Variants in WWOX observed in about 807,000 individuals in gnomAD.
WWOX encodes WW domain-containing oxidoreductase.
In WWOX, 69 loss-of-function variants were observed where a neutral mutation model predicts 46.2. The ratio of observed to expected loss-of-function variants is 1.49; its 90% CI spans 1.23 to 1.82. The LOEUF is 1.82. Among genes scored for constraint, WWOX ranks in the 40% most tolerant of loss-of-function variants. The pLI, the probability that WWOX is intolerant of heterozygous loss-of-function variation, is 0.00. For missense variants in WWOX, 919 were observed against 542.6 expected (o/e 1.69, Z -6.89); for synonymous variants, 359 against 202.6 (o/e 1.77, Z -6.56).
rs1253855660 is a variant in WWOX at position 78,999,615 on chromosome 16, TTTAA to T, written c.1057-211989_1057-211986del. On this transcript the variant is annotated intron_variant, in intron 8 of 8. Transcript: ENST00000566780. ...TCATGTGAAGAAATTTTAGGAATACTTTAATTATTTTTTCACTTACATTTTATAG... is the reference window on the plus strand; with the variant it reads ...TCATGTGAAGAAATTTTAGGAATACTTTATTTTTTCACTTACATTTTATAG... Among the ~76,000 whole-genome samples, 6 of 152,312 alleles carry T rather than the reference TTTAA, an allele frequency of 3.9e-5. No homozygotes were observed. In the Middle Eastern group the frequency reaches 0.017, roughly 432 times the overall value.
chr16:78,875,609 A>G (rs1311779429), intron 8 of WWOX, among the ~76,000 whole-genome samples: 1 of 152,166 alleles, frequency 6.6e-6, no homozygotes, highest in Non-Finnish European at 1.5e-5. Context: ...CAAGGTGAGT[A>G]TCGTCAGAAT....
intron 7 of WWOX, among the ~76,000 whole-genome samples, chr16:78,426,099 T>C (rs2083071173): frequency 6.6e-6 from 1 of 152,254 alleles, no homozygotes; most frequent in African/African-American, 2.4e-5. Flanking sequence ...ATGGCTGAAA[T>C]GAAAGGTAAA....
intron 7 of WWOX, among the ~76,000 whole-genome samples, chr16:78,431,340 C>G (rs1376283887): frequency 3.9e-5 from 6 of 152,108 alleles, no homozygotes; most frequent in African/African-American, 1.2e-4. Flanking sequence ...GGTACCTCAC[C>G]AAGGTTATAA....
chr16:78,731,605 A>G (rs1381959481), intron 8 of WWOX, among the ~76,000 whole-genome samples: 24 of 151,970 alleles, frequency 1.6e-4, no homozygotes, highest in African/African-American at 2.4e-5. Context: ...GAAGATCAGT[A>G]CCTTGAAATT....
intron 8 of WWOX, among the ~76,000 whole-genome samples, chr16:78,686,652 C>A (rs530582260): frequency 6.6e-6 from 1 of 152,208 alleles, no homozygotes; most frequent in East Asian, 1.9e-4. Context: ...TTTCGGAAGT[C>A]CTCCAGTTTG....
At chr16:78,740,059 C>A (rs575919211) in intron 8 of WWOX, among the ~76,000 whole-genome samples, 4 of 152,286 alleles carry the variant, frequency 2.6e-5, no homozygotes, top group African/African-American at 7.2e-5. Context: ...ACTGACCCCA[C>A]TGTGGTCACC....
chr16:79,025,555 C>T (rs989270492), intron 8 of WWOX, among the ~76,000 whole-genome samples: 3 of 152,092 alleles, frequency 2.0e-5, no homozygotes, highest in African/African-American at 7.2e-5. Context: ...CTGGCACCCC[C>T]AGATACCAGG....
At chr16:78,133,996 T>C (rs1017678191) in intron 4 of WWOX, among the ~76,000 whole-genome samples, 1 of 152,214 alleles carries the variant, frequency 6.6e-6, no homozygotes, top group Non-Finnish European at 1.5e-5. Context: ...ATCCCTAAGA[T>C]GTGTTTTCTT....
chr16:78,550,941 A>G (rs894734679), intron 8 of WWOX: 2 of 152,284 alleles, frequency 1.3e-5, no homozygotes, highest in Non-Finnish European at 2.9e-5. Flanking sequence ...ATCCACTGTA[A>G]GGAATGCATG....
intron 8 of WWOX, among the ~76,000 whole-genome samples, chr16:79,036,946 T>C (rs991261081): frequency 6.6e-6 from 1 of 152,226 alleles, no homozygotes; most frequent in Non-Finnish European, 1.5e-5. Context: ...CAGTGTGTTA[T>C]CTTGGCTCCA....
intron 8 of WWOX, among the ~76,000 whole-genome samples, chr16:79,002,150 G>A (rs879406796): frequency 2.0e-5 from 3 of 150,524 alleles, no homozygotes; most frequent in Admixed American, 6.6e-5. Flanking sequence ...CAAGTGTATC[G>A]ACGTGCTGTA....
chr16:79,123,865 C>G (rs1051615467), intron 8 of WWOX, among the ~76,000 whole-genome samples: 2 of 152,114 alleles, frequency 1.3e-5, no homozygotes, highest in African/African-American at 4.8e-5. Context: ...TATACAGCAA[C>G]AATAGTTAAG....
At chr16:78,823,295 GC>G (rs1597672571) in intron 8 of WWOX, among the ~76,000 whole-genome samples, 1 of 152,206 alleles carries the variant, frequency 6.6e-6, no homozygotes, top group Non-Finnish European at 1.5e-5. Flanking sequence ...CGGGTTGGGG[GC>G]TGCAGGAAGA....
intron 8 of WWOX, among the ~76,000 whole-genome samples, chr16:78,693,980 C>G (rs2048045606): frequency 6.6e-6 from 1 of 152,080 alleles, no homozygotes; most frequent in South Asian, 2.1e-4. Flanking sequence ...TACCTGTAAT[C>G]CCAGCACTTT....
chr16:79,031,540 C>G (rs1470120827), intron 8 of WWOX, among the ~76,000 whole-genome samples: 1 of 151,906 alleles, frequency 6.6e-6, no homozygotes, highest in African/African-American at 2.4e-5. Flanking sequence ...AAAAGCTACA[C>G]CCCCCTGTGG....
At chr16:79,138,168 A>G (rs1424113) in intron 8 of WWOX, among the ~76,000 whole-genome samples, 40,373 of 151,880 alleles carry the variant, frequency 0.27, 7,616 homozygotes, top group African/African-American at 0.53. Context: ...GTCCTTGATC[A>G]TTTTTCTTGG....
chr16:79,030,013 G>T (rs1313825333), intron 8 of WWOX, among the ~76,000 whole-genome samples: 1 of 152,118 alleles, frequency 6.6e-6, no homozygotes, highest in Non-Finnish European at 1.5e-5. Context: ...GATGAGCTCT[G>T]GTTTACCCCA....
intron 8 of WWOX, chr16:78,525,798 T>C (rs1281955404): frequency 6.6e-6 from 1 of 151,188 alleles, no homozygotes; most frequent in Non-Finnish European, 1.5e-5. Context: ...ACCCAGGTTG[T>C]CATGACTTGA....
At chr16:79,145,030 T>C (rs1188149802) in intron 8 of WWOX, among the ~76,000 whole-genome samples, 1 of 152,174 alleles carries the variant, frequency 6.6e-6, no homozygotes, top group African/African-American at 2.4e-5. Flanking sequence ...CGGAGGCTAC[T>C]GTACATAAAT....
Sources: gnomAD v4.1 joint callset for allele counts (sites outside exome capture counted in the v4.1 genomes callset) on GRCh38, gnomAD v4.1.1 for gene constraint, MANE v1.5 for transcripts, NCBI Gene and HGNC (gene_info 2026-07-23, HGNC 2026-07-21) for gene names.